CDH18: variants seen among roughly 807,000 people sequenced by gnomAD.
CDH18 encodes the protein cadherin 18.
CDH18 carries 31 observed loss-of-function variants against 67.9 expected under a neutral mutation model. The observed-to-expected ratio is 0.46, with a 90% CI of 0.34 to 0.62. The LOEUF is 0.62. CDH18 is among the 20% of genes least tolerant of loss of function. The pLI, the probability that CDH18 is intolerant of heterozygous loss-of-function variation, is 0.01. For missense variants in CDH18, 890 were observed against 975.5 expected, an observed-to-expected ratio of 0.91 and a Z score of 1.17; for synonymous variants, 362 against 347.2, an observed-to-expected ratio of 1.04 and a Z score of -0.48.
At chr5:19,842,583 G>T (rs765026512) in intron 2 of CDH18, among the ~76,000 whole-genome samples, 2 of 152,132 alleles carry the variant, frequency 1.3e-5, no homozygotes, top group Admixed American at 6.5e-5. Flanking sequence ...CCAGGCTTGG[G>T]TATTTCTTTA....
chr5:20,455,091 CCCTAT>C (rs1750748299), intron 1 of CDH18, among the ~76,000 whole-genome samples: 1 of 146,946 alleles, frequency 6.8e-6, no homozygotes, highest in African/African-American at 2.5e-5. Context: ...AAAAAAAAAT[CCCTAT>C]TCCTCTATTT....
intron 2 of CDH18, among the ~76,000 whole-genome samples, chr5:19,933,446 C>A (rs1388217322): frequency 6.6e-6 from 1 of 151,462 alleles, no homozygotes; most frequent in Non-Finnish European, 1.5e-5. Flanking sequence ...CATATTTTTA[C>A]CAGTATATGA....
intron 1 of CDH18, among the ~76,000 whole-genome samples, chr5:20,422,600 TAAC>T (rs1747949593): frequency 6.6e-6 from 1 of 151,108 alleles, no homozygotes; most frequent in African/African-American, 2.5e-5. Context: ...AGTTTTTACA[TAAC>T]AATAAAAATA....
At chr5:19,807,845 GT>G (rs1778194065) in intron 3 of CDH18, among the ~76,000 whole-genome samples, 1 of 151,870 alleles carries the variant, frequency 6.6e-6, no homozygotes, top group South Asian at 2.1e-4. Context: ...TCTCATCATT[GT>G]TTATACTTGA....
chr5:19,707,659 C>T (rs1764142875), intron 5 of CDH18, among the ~76,000 whole-genome samples: 2 of 152,272 alleles, frequency 1.3e-5, no homozygotes, highest in South Asian at 4.1e-4. Context: ...GGCAATAATG[C>T]CTGGATGTAA....
chr5:19,659,573 T>C (rs1034496412), intron 5 of CDH18, among the ~76,000 whole-genome samples: 11 of 152,124 alleles, frequency 7.2e-5, no homozygotes, highest in African/African-American at 2.4e-4. Context: ...AAGATTTACA[T>C]TGAAATTTAA....
intron 2 of CDH18, among the ~76,000 whole-genome samples, chr5:19,845,335 G>A (rs900986812): frequency 3.3e-5 from 5 of 151,954 alleles, no homozygotes; most frequent in South Asian, 2.1e-4. Context: ...TTTTTATTTC[G>A]CTATTTATTT....
At chr5:19,837,383 T>G (rs1421147394) in intron 3 of CDH18, among the ~76,000 whole-genome samples, 1 of 152,054 alleles carries the variant, frequency 6.6e-6, no homozygotes, top group African/African-American at 2.4e-5. Flanking sequence ...ATTCTGCACA[T>G]GTATCCCAGA....
chr5:19,716,180 A>G (rs1765317528), intron 5 of CDH18, among the ~76,000 whole-genome samples: 1 of 152,050 alleles, frequency 6.6e-6, no homozygotes, highest in African/African-American at 2.4e-5. Context: ...CAAGGACTGG[A>G]CTAAGAGCAT....
chr5:20,147,005 G>A (rs1750699835), intron 2 of CDH18, among the ~76,000 whole-genome samples: 1 of 152,026 alleles, frequency 6.6e-6, no homozygotes, highest in African/African-American at 2.4e-5. Flanking sequence ...ATGCCTACAT[G>A]TTTATAGGGC....
intron 2 of CDH18, among the ~76,000 whole-genome samples, chr5:19,896,400 G>C (rs1380132569): frequency 1.3e-5 from 2 of 151,984 alleles, no homozygotes; most frequent in African/African-American, 4.8e-5. Context: ...TAGATTACTT[G>C]GGTGAGACCT....
chr5:19,794,553 CT>C (rs1325285037), intron 3 of CDH18, among the ~76,000 whole-genome samples: 2 of 152,152 alleles, frequency 1.3e-5, no homozygotes, highest in South Asian at 4.1e-4. Flanking sequence ...AAATTGATCC[CT>C]TTTTTTCTCT....
intron 5 of CDH18, among the ~76,000 whole-genome samples, chr5:19,651,898 G>GC (rs1167388838): frequency 6.6e-6 from 1 of 151,932 alleles, no homozygotes; most frequent in African/African-American, 2.4e-5. Context: ...TCTCAGAATA[G>GC]CAGTTTCCTC....
intron 2 of CDH18, among the ~76,000 whole-genome samples, chr5:19,855,370 A>G (rs1291330857): frequency 6.6e-6 from 1 of 152,124 alleles, no homozygotes; most frequent in East Asian, 1.9e-4. Flanking sequence ...TTCTTTATGC[A>G]TAACCATTTT....
chr5:20,022,785 A>C (rs2150436288), intron 2 of CDH18, among the ~76,000 whole-genome samples: 1 of 152,316 alleles, frequency 6.6e-6, no homozygotes, highest in East Asian at 1.9e-4. Flanking sequence ...AATTCTATGC[A>C]AGGGTATTTT....
intron 5 of CDH18, among the ~76,000 whole-genome samples, chr5:19,667,008 T>C (rs761700148): frequency 6.6e-6 from 1 of 152,078 alleles, no homozygotes; most frequent in Non-Finnish European, 1.5e-5. Flanking sequence ...TAAACGTATT[T>C]GGTGTTTTTT....
At chr5:20,106,384 TA>T (rs1746939692) in intron 2 of CDH18, among the ~76,000 whole-genome samples, 1 of 152,232 alleles carries the variant, frequency 6.6e-6, no homozygotes. Context: ...TTCACTGATT[TA>T]TTTTTCAGTT....
chr5:20,388,082 A>C (rs1012818782), intron 1 of CDH18, among the ~76,000 whole-genome samples: 12 of 152,140 alleles, frequency 7.9e-5, no homozygotes, highest in African/African-American at 2.9e-4. Flanking sequence ...CTGGCCTCAT[A>C]AAATGAGTTA....
intron 1 of CDH18, among the ~76,000 whole-genome samples, chr5:20,455,537 G>A (rs1425785312): frequency 6.6e-6 from 1 of 152,026 alleles, no homozygotes; most frequent in African/African-American, 2.4e-5. Context: ...GGGGATAGAC[G>A]CTAAGATAAT....
Sources: gnomAD v4.1 joint callset for allele counts (sites outside exome capture counted in the v4.1 genomes callset) on GRCh38, gnomAD v4.1.1 for gene constraint, MANE v1.5 for transcripts, NCBI Gene and HGNC (gene_info 2026-07-23, HGNC 2026-07-21) for gene names.